APBA2: variants seen among roughly 807,000 people sequenced by gnomAD.
The protein encoded by APBA2 is amyloid beta precursor protein binding family A member 2.
APBA2 carries 30 observed loss-of-function variants against 75.0 expected under a neutral mutation model. The observed-to-expected ratio is 0.40, with a 90% CI of 0.30 to 0.54. APBA2 has a LOEUF of 0.54. APBA2 is among the 20% of genes least tolerant of loss of function. The probability of loss-of-function intolerance (pLI) is 0.49; values close to 1 mark genes in which losing one functional copy is unlikely to be tolerated. For synonymous variants in APBA2, 444 were observed against 409.6 expected (o/e 1.08, Z -1.01); for missense variants, 801 against 1,016.1 (o/e 0.79, Z 2.88).
chr15:29,062,645 G>A (rs1183334161), intron 4 of APBA2, among the ~76,000 whole-genome samples: 2 of 152,100 alleles, frequency 1.3e-5, no homozygotes, highest in Admixed American at 6.5e-5. Flanking sequence ...AGGTAAAGCC[G>A]GGGTTTCTAA....
intron 2 of APBA2, among the ~76,000 whole-genome samples, chr15:28,958,632 A>G (rs1273714075): frequency 6.6e-6 from 1 of 152,088 alleles, no homozygotes; most frequent in African/African-American, 2.4e-5. Context: ...GCCTGTCCCC[A>G]CTGGGGCAGG....
At chr15:29,055,880 C>T (rs1345499228) in intron 4 of APBA2, among the ~76,000 whole-genome samples, 4 of 152,242 alleles carry the variant, frequency 2.6e-5, no homozygotes, top group South Asian at 2.1e-4. Context: ...ACAGCAATTC[C>T]GTGTTTACAG....
intron 2 of APBA2, among the ~76,000 whole-genome samples, chr15:28,938,401 C>G (rs1195723953): frequency 6.6e-6 from 1 of 152,154 alleles, no homozygotes. Context: ...ATTCTCATTT[C>G]CTGTTTGATG....
rs142129224 is a variant in APBA2 at position 28,994,246 on chromosome 15, G to A, written c.-94-1507G>A. Among the ~76,000 whole-genome samples, 1,091 of 152,312 alleles carry A rather than the reference G, an allele frequency of 7.2e-3. 4 individuals are homozygous for A. The highest frequency in any genetic ancestry group is 0.01 in the Non-Finnish European group (685 of 68,032). On this transcript the variant is annotated intron_variant, in intron 2 of 14. Transcript: ENST00000683413. Reference sequence around the variant, plus strand: ...GGCCAGTTTTATACACGATGAAACTGACAGAGATGGTGTGAAGGGATTTTC... The same window carrying A: ...GGCCAGTTTTATACACGATGAAACTAACAGAGATGGTGTGAAGGGATTTTC...
chr15:28,940,928 G>C (rs572301754), intron 2 of APBA2, among the ~76,000 whole-genome samples: 63 of 152,300 alleles, frequency 4.1e-4, no homozygotes, highest in Middle Eastern at 3.4e-3. Context: ...GTGTTAAAAG[G>C]ACTCGTGAGC....
intron 2 of APBA2, among the ~76,000 whole-genome samples, chr15:28,993,554 T>C (rs1035994183): frequency 1.1e-4 from 17 of 152,002 alleles, no homozygotes; most frequent in African/African-American, 3.9e-4. Flanking sequence ...TGCCTATAAA[T>C]AGACACTCAA....
chr15:28,907,351 G>T (rs1249644113), intron 1 of APBA2, among the ~76,000 whole-genome samples: 2 of 152,130 alleles, frequency 1.3e-5, no homozygotes, highest in African/African-American at 4.8e-5. Context: ...TTATTCTTGT[G>T]CCGATATCTA....
chr15:29,097,634 G>A (rs1595957962), intron 8 of APBA2, among the ~76,000 whole-genome samples: 1 of 152,244 alleles, frequency 6.6e-6, no homozygotes, highest in South Asian at 2.1e-4. Flanking sequence ...GCTAATTAAC[G>A]TGCATTACAT....
At chr15:28,980,004 C>T (rs181395293) in intron 2 of APBA2, among the ~76,000 whole-genome samples, 11 of 152,218 alleles carry the variant, frequency 7.2e-5, no homozygotes, top group East Asian at 1.9e-4. Flanking sequence ...GGAGATTTTC[C>T]GTAAGCACAG....
At chr15:29,078,445 T>C (rs1012430064) in intron 6 of APBA2, among the ~76,000 whole-genome samples, 1 of 151,574 alleles carries the variant, frequency 6.6e-6, no homozygotes, top group African/African-American at 2.4e-5. Context: ...ACCCTGTCTC[T>C]ACTAAAAATA....
chr15:29,028,908 A>T (rs1221304022), intron 3 of APBA2, among the ~76,000 whole-genome samples: 1 of 151,712 alleles, frequency 6.6e-6, no homozygotes, highest in Non-Finnish European at 1.5e-5. Flanking sequence ...TTGATACTAG[A>T]CCTTTGCCAG....
intron 4 of APBA2, among the ~76,000 whole-genome samples, chr15:29,072,142 G>GCC (rs1245469974): frequency 6.6e-6 from 1 of 152,128 alleles, no homozygotes; most frequent in African/African-American, 2.4e-5. Context: ...ATTAAATCCC[G>GCC]CCCAGCTTGC....
At chr15:29,070,952 G>T in intron 4 of APBA2, 1 of 401,610 alleles carries the variant, frequency 2.5e-6, no homozygotes, top group Admixed American at 3.0e-5. Context: ...GTTACGTTTG[G>T]GAGAATTTTC....
chr15:29,056,610 C>CTTCCT (rs376422658), intron 4 of APBA2, among the ~76,000 whole-genome samples: 4 of 45,930 alleles, frequency 8.7e-5, no homozygotes, highest in African/African-American at 3.9e-4. Context: ...CCCTCCCTCC[C>CTTCCT]TCCTTCTCTC....
chr15:29,070,776 G>A, intron 4 of APBA2: 2 of 265,780 alleles, frequency 7.5e-6, no homozygotes, highest in South Asian at 7.7e-5. Flanking sequence ...TGCTGTAGCG[G>A]GTCTCGGCCG....
chr15:28,999,017 G>A (rs1220908531), intron 3 of APBA2, among the ~76,000 whole-genome samples: 6 of 151,992 alleles, frequency 3.9e-5, no homozygotes, highest in Non-Finnish European at 4.4e-5. Flanking sequence ...GTGTGGTGGC[G>A]GACATCTATA....
intron 3 of APBA2, among the ~76,000 whole-genome samples, chr15:29,011,163 A>G (rs2039385589): frequency 6.6e-6 from 1 of 152,164 alleles, no homozygotes; most frequent in Non-Finnish European, 1.5e-5. Flanking sequence ...GTTGTGTGAT[A>G]AGATTTTCTC....
chr15:29,019,526 T>A (rs1186736626), intron 3 of APBA2, among the ~76,000 whole-genome samples: 1 of 152,214 alleles, frequency 6.6e-6, no homozygotes, highest in Non-Finnish European at 1.5e-5. Flanking sequence ...TTATCTTATA[T>A]AAGCATTTAT....
Position 28,886,127 on chromosome 15 carries a change from GCTATTCGGGAAGCTATTC to G in APBA2, c.-355_-338del, listed in dbSNP as rs980761211. 6.7e-6 allele frequency: 1 copy of G among 150,226 alleles called. No individual in the cohort carries two copies. Among genetic ancestry groups the G allele is most frequent in the Non-Finnish European group, 1.5e-5 (1 of 67,404 alleles). The allele number at this position is 150,226 out of a possible 1,614,324, so 9.3% of individuals were successfully genotyped here. Reference sequence around the variant, plus strand: ...ACGCTGCGTCCGGGGCGCGCCCGCCGCTATTCGGGAAGCTATTCAGCTTCCCGGGCTCATTAGCAGTCG... The same window carrying G: ...ACGCTGCGTCCGGGGCGCGCCCGCCGAGCTTCCCGGGCTCATTAGCAGTCG... On this transcript the variant is annotated 5_prime_UTR_variant, in exon 1 of 15. Transcript: ENST00000683413.
Sources: gnomAD v4.1 joint callset for allele counts (sites outside exome capture counted in the v4.1 genomes callset) on GRCh38, gnomAD v4.1.1 for gene constraint, MANE v1.5 for transcripts, NCBI Gene and HGNC (gene_info 2026-07-23, HGNC 2026-07-21) for gene names.